Variants in RAB33A observed in about 807,000 individuals in gnomAD.
RAB33A encodes RAB33A, member RAS oncogene family, also known as ras-related protein Rab-33A.
Under a neutral mutation model 12.0 loss-of-function variants are expected in RAB33A, and 6 were observed. That is an observed-to-expected ratio of 0.50 (90% CI 0.27 to 0.99). The LOEUF is 0.99. Among genes scored for constraint, RAB33A ranks in the 50% least tolerant of loss-of-function variants. The probability of loss-of-function intolerance (pLI) is 0.11; values close to 1 mark genes in which losing one functional copy is unlikely to be tolerated. For missense variants in RAB33A, 109 were observed against 192.0 expected (o/e 0.57, Z 2.55); for synonymous variants, 70 against 82.4 (o/e 0.85, Z 0.81).
the RAB33A span, chrX:130,155,023 A>T: frequency 1.2e-6 from 1 of 842,113 alleles, no homozygotes; most frequent in Non-Finnish European, 1.7e-6. Flanking sequence ...GTGACTGACA[A>T]TGTCCCTTTA....
chrX:130,178,947 C>G (rs1020107489), intron 1 of RAB33A, among the ~76,000 whole-genome samples: 1 of 105,527 alleles, frequency 9.5e-6, no homozygotes, highest in Non-Finnish European at 2.0e-5. Context: ...CCACCGCGCC[C>G]GGCGATTTTT....
At chrX:130,153,706 T>C in the RAB33A span, among the ~76,000 whole-genome samples, 1 of 110,456 alleles carries the variant, frequency 9.1e-6, no homozygotes, top group Non-Finnish European at 1.9e-5. Flanking sequence ...GCTCACTCTT[T>C]CTCCCTCTCC....
At chrX:130,160,795 C>G in the RAB33A span, among the ~76,000 whole-genome samples, 1 of 110,225 alleles carries the variant, frequency 9.1e-6, no homozygotes, top group Non-Finnish European at 1.9e-5. Flanking sequence ...GTAATCCCAG[C>G]ACCTTGGGAG....
chrX:130,124,015 G>A, the RAB33A span, among the ~76,000 whole-genome samples: 1 of 112,255 alleles, frequency 8.9e-6, no homozygotes, highest in Non-Finnish European at 1.9e-5. Context: ...TGGGAGGATC[G>A]CTTGAACCCA....
At position 130,172,017 on chromosome X, in the gene RAB33A, G is replaced by A. The variant is rs1410732240; in HGVS notation, c.-46G>A. 1 of 1,158,262 alleles carries A rather than the reference G, an allele frequency of 8.6e-7. No homozygotes were observed. The highest frequency in any genetic ancestry group is 2.6e-5 in the Admixed American group (1 of 38,191). On this transcript the variant is annotated 5_prime_UTR_variant, in exon 1 of 2. In the 5' UTR this introduces an upstream ATG that the reference lacks. Transcript: ENST00000257017. ...GCACGAACGTGGACGTTCTCTTTGT[G>A]TGGAGCCCTCAAGGGGGGTTGGGGC...
the RAB33A span, among the ~76,000 whole-genome samples, chrX:130,127,036 GGTGTGTGTGT>G: frequency 1.9e-5 from 2 of 105,993 alleles, no homozygotes; most frequent in Non-Finnish European, 3.9e-5. Flanking sequence ...CAATAAACCA[GGTGTGTGTGT>G]GTGTGTGTGT....
the RAB33A span, among the ~76,000 whole-genome samples, chrX:130,112,412 C>T: frequency 1.8e-5 from 2 of 111,903 alleles, no homozygotes; most frequent in East Asian, 2.8e-4. Flanking sequence ...TCTGCACACG[C>T]GTGCACACAC....
chrX:130,130,403 A>G, the RAB33A span, among the ~76,000 whole-genome samples: 1 of 111,800 alleles, frequency 8.9e-6, no homozygotes, highest in East Asian at 2.8e-4. Context: ...GTCTGACCCT[A>G]AACTTCCCTC....
At chrX:130,119,808 T>C in the RAB33A span, among the ~76,000 whole-genome samples, 2 of 111,579 alleles carry the variant, frequency 1.8e-5, no homozygotes, top group African/African-American at 6.5e-5. Context: ...TTGCACACCC[T>C]GAAAGCAGGA....
At chrX:130,113,310 TGACCTCGTCATCC>T in the RAB33A span, among the ~76,000 whole-genome samples, 1 of 109,499 alleles carries the variant, frequency 9.1e-6, no homozygotes, top group Non-Finnish European at 1.9e-5. Context: ...CTCGATCTCC[TGACCTCGTCATCC>T]ACCCGCCTCG....
At chrX:130,128,585 A>ATAC in the RAB33A span, among the ~76,000 whole-genome samples, 1 of 112,272 alleles carries the variant, frequency 8.9e-6, no homozygotes, top group Non-Finnish European at 1.9e-5. Flanking sequence ...AATAATAATA[A>ATAC]TAAGATTTGA....
upstream of RAB33A, among the ~76,000 whole-genome samples, chrX:130,170,250 A>G (rs781653109): frequency 1.1e-4 from 12 of 112,375 alleles, no homozygotes; most frequent in Admixed American, 4.7e-4. Flanking sequence ...TCACATTCCA[A>G]TTTGCTTTCA....
intron 1 of RAB33A, among the ~76,000 whole-genome samples, chrX:130,180,705 C>T (rs187638039): frequency 0.011 from 1,094 of 100,695 alleles, 9 homozygotes; most frequent in African/African-American, 0.038. Flanking sequence ...ATCCGCCCGC[C>T]TCAGCCTCCC....
the RAB33A span, among the ~76,000 whole-genome samples, chrX:130,135,439 TA>T: frequency 2.7e-5 from 2 of 72,939 alleles, no homozygotes; most frequent in Non-Finnish European, 4.8e-5. Flanking sequence ...TTTTTTTTTT[TA>T]AAAAAAAAAA....
chrX:130,133,961 G>C, the RAB33A span, among the ~76,000 whole-genome samples: 1 of 110,943 alleles, frequency 9.0e-6, no homozygotes, highest in African/African-American at 3.3e-5. Flanking sequence ...ATCTATTCCA[G>C]GCCAGGTGCA....
the RAB33A span, chrX:130,139,949 G>A: frequency 1.2e-6 from 1 of 859,994 alleles, no homozygotes; most frequent in Non-Finnish European, 1.7e-6. Context: ...ACCACACAAA[G>A]GTGGAGCCCT....
the RAB33A span, among the ~76,000 whole-genome samples, chrX:130,115,433 G>A: frequency 9.0e-6 from 1 of 111,597 alleles, no homozygotes; most frequent in Non-Finnish European, 1.9e-5. Flanking sequence ...ACCAACATGG[G>A]GAAACCCCAT....
the RAB33A span, chrX:130,156,623 A>G: frequency 2.5e-6 from 3 of 1,205,229 alleles, no homozygotes; most frequent in South Asian, 5.3e-5. Flanking sequence ...ATAATTTATT[A>G]AGACACACAC....
chrX:130,125,171 G>A, the RAB33A span, among the ~76,000 whole-genome samples: 2 of 112,005 alleles, frequency 1.8e-5, no homozygotes, highest in East Asian at 5.6e-4. Context: ...GCAACACCAA[G>A]TCCTGGCCGA....
Sources: gnomAD v4.1 joint callset for allele counts (sites outside exome capture counted in the v4.1 genomes callset) on GRCh38, gnomAD v4.1.1 for gene constraint, MANE v1.5 for transcripts, NCBI Gene and HGNC (gene_info 2026-07-23, HGNC 2026-07-21) for gene names.